The following CAVIN1 variants were observed in gnomAD, a reference collection of about 807,000 sequenced individuals.
The protein encoded by CAVIN1 is caveolae associated protein 1, also known as caveolae-associated protein 1.
A neutral mutation model predicts 24.0 loss-of-function variants in CAVIN1; 16 were observed. That is an observed-to-expected ratio of 0.67 (90% confidence interval 0.45 to 1.01). CAVIN1 has a LOEUF of 1.01. Among genes scored for constraint, CAVIN1 ranks in the 50% least tolerant of loss-of-function variants. The pLI is 0.00. For missense variants in CAVIN1, 510 were observed against 551.7 expected (o/e 0.92, Z 0.76); for synonymous variants, 256 against 256.4 (o/e 1.00, Z 0.02).
At chr17:42,412,750 TG>T (rs1169164419) in intron 1 of CAVIN1, among the ~76,000 whole-genome samples, 4 of 151,830 alleles carry the variant, frequency 2.6e-5, no homozygotes, top group Non-Finnish European at 5.9e-5. Context: ...CCCGAATAGC[TG>T]GGATTACAGG....
chr17:42,417,163 T>A (rs915465106), intron 1 of CAVIN1, among the ~76,000 whole-genome samples: 1 of 152,076 alleles, frequency 6.6e-6, no homozygotes, highest in Non-Finnish European at 1.5e-5. Flanking sequence ...CCCATAAGAT[T>A]GTAATGGAGG....
intron 1 of CAVIN1, among the ~76,000 whole-genome samples, chr17:42,420,405 C>T (rs895581150): frequency 2.4e-4 from 36 of 152,232 alleles, no homozygotes; most frequent in African/African-American, 8.2e-4. Context: ...AACATCTGCT[C>T]TGCAGCTCAG....
chr17:42,404,750 G>T lies in CAVIN1; in HGVS notation c.1110C>A (p.His370Gln). The T allele has an allele frequency of 6.5e-7, 1 of 1,529,556 alleles. No homozygotes were observed. The highest frequency in any genetic ancestry group is 2.3e-5 in the East Asian group (1 of 42,644). The allele number at this position is 1,529,556 out of a possible 1,614,324, so 94.7% of individuals were successfully genotyped here. Residue 370 changes from histidine (H) to glutamine (Q), a missense_variant, in exon 2 of 2, where the codon CAC becomes CAA. Physicochemically the swap from His to Gln is conservative, Grantham distance 24. Transcript: ENST00000357037. ...DLRRGSSPDV[H>Q]ALLEITEESD... ...ACTCCTCGGTGATCTCCAGCAGCGC[G>T]TGCACGTCGGGGCTGCTCCCGCGCC...
chr17:42,416,141 G>T (rs533534717), intron 1 of CAVIN1, among the ~76,000 whole-genome samples: 53 of 152,158 alleles, frequency 3.5e-4, no homozygotes, highest in Middle Eastern at 6.8e-3. Context: ...GCTGAGGCAG[G>T]TGGATCACCT....
At chr17:42,412,088 G>T (rs1227728774) in intron 1 of CAVIN1, 1 of 985,350 alleles carries the variant, frequency 1.0e-6, no homozygotes, top group Non-Finnish European at 1.2e-6. Flanking sequence ...GTGGGCCGGG[G>T]CCCAGGCTCT....
At position 42,422,705 on chromosome 17, in the gene CAVIN1, C is replaced by G. The variant is rs1167961779; in HGVS notation, c.393G>C (p.Gln131His). 1.9e-6 allele frequency: 3 copies of G among 1,608,820 alleles called. No individual in the cohort carries two copies. Among genetic ancestry groups the G allele is most frequent in the Non-Finnish European group, 2.5e-6 (3 of 1,177,952 alleles). The change falls in exon 1 of 2, where the codon CAG becomes CAC. Residue 131 changes from glutamine to histidine, a missense_variant. Gln to His is a conservative substitution (Grantham distance 24, BLOSUM62 0). Coordinates refer to ENST00000357037, the MANE Select transcript of CAVIN1 (RefSeq NM_012232.6). The stretch of plus-strand genomic sequence containing the variant: ...CCTCCAGCTTCTTGATCTGCCCCGC[C>G]TGGCGCTCCAGGCTGCCGCGCACGG... ...VKTVRGSLER[Q>H]AGQIKKLEVN...
chr17:42,422,911 C>A lies in CAVIN1; in HGVS notation c.187G>T (p.Gly63Trp), dbSNP rs376892295. 23 of 1,613,958 alleles carry A rather than the reference C, an allele frequency of 1.4e-5. No homozygotes were observed. The highest frequency in any genetic ancestry group is 6.7e-5 in the African/African-American group (5 of 74,922). The change falls in exon 1 of 2, where the codon GGG becomes TGG. Residue 63 changes from glycine to tryptophan, a missense_variant. By Grantham distance (184) the Gly-to-Trp change is radical (BLOSUM62 -2). Transcript: ENST00000357037. Reference sequence around the variant, plus strand: ...GTCAGCTGGATCTGGTCTACGGCCCCGATGATTTTGTCCAGGAGGCTCAGC... The same window carrying A: ...GTCAGCTGGATCTGGTCTACGGCCCAGATGATTTTGTCCAGGAGGCTCAGC... ...LVLSLLDKIIGAVDQIQLTQA... is the reference protein window; with the variant it reads ...LVLSLLDKIIWAVDQIQLTQA...
At chr17:42,410,393 G>A (rs966463086) in intron 1 of CAVIN1, among the ~76,000 whole-genome samples, 1 of 152,120 alleles carries the variant, frequency 6.6e-6, no homozygotes, top group African/African-American at 2.4e-5. Flanking sequence ...AAGACAAGGA[G>A]ATGAGAGACC....
chr17:42,419,251 C>G (rs1181579735), intron 1 of CAVIN1, among the ~76,000 whole-genome samples: 5 of 152,042 alleles, frequency 3.3e-5, no homozygotes, highest in Non-Finnish European at 7.4e-5. Context: ...AGAATTGGTT[C>G]TTTAATGATC....
At chr17:42,407,099 T>C (rs2085450772) in intron 1 of CAVIN1, among the ~76,000 whole-genome samples, 1 of 150,284 alleles carries the variant, frequency 6.7e-6, no homozygotes, top group African/African-American at 2.4e-5. Context: ...CCGGGAAGAT[T>C]TTCCAAGATC....
chr17:42,413,581 A>G, intron 1 of CAVIN1, among the ~76,000 whole-genome samples: 2 of 72,190 alleles, frequency 2.8e-5, no homozygotes, highest in African/African-American at 6.1e-5. Flanking sequence ...AAAAAAAAAA[A>G]AAAAAAAAAA....
At chr17:42,412,658 C>T (rs1229240088) in intron 1 of CAVIN1, among the ~76,000 whole-genome samples, 2 of 151,078 alleles carry the variant, frequency 1.3e-5, no homozygotes, top group African/African-American at 4.9e-5. Flanking sequence ...CACTCTGTTG[C>T]CCAGGCTGGA....
Position 42,404,894 on chromosome 17 carries a change from G to A in CAVIN1, c.966C>T (p.Thr322=). The A allele has an allele frequency of 6.2e-7, 1 of 1,614,060 alleles. No individual in the cohort carries two copies. The highest frequency in any genetic ancestry group is 1.1e-5 in the South Asian group (1 of 91,086). The change falls in exon 2 of 2, where the codon ACC becomes ACT. Residue 322 remains threonine (T), a synonymous_variant. Transcript: ENST00000357037. ...KTAVYKVPPF[T]FHVKKIREGQ... ...CCTCGCGGATCTTCTTGACGTGGAA[G>A]GTGAAGGGTGGCACCTTGTAGACCG... is the stretch of plus-strand genomic sequence containing the variant.
At chr17:42,413,343 A>G (rs1191675993) in intron 1 of CAVIN1, among the ~76,000 whole-genome samples, 1 of 151,302 alleles carries the variant, frequency 6.6e-6, no homozygotes, top group Non-Finnish European at 1.5e-5. Flanking sequence ...AGGTGGGTGG[A>G]TCCCTTGAGC....
intron 1 of CAVIN1, among the ~76,000 whole-genome samples, chr17:42,406,058 C>A (rs1194333633): frequency 6.6e-6 from 1 of 152,130 alleles, no homozygotes; most frequent in Admixed American, 6.6e-5. Context: ...GAGCAGGGGA[C>A]CAAACTTCGG....
intron 1 of CAVIN1, chr17:42,412,237 G>A (rs923212389): frequency 1.8e-5 from 18 of 984,988 alleles, no homozygotes; most frequent in African/African-American, 1.6e-4. Context: ...GGGTGCATTC[G>A]GCTTCTTCTT....
chr17:42,405,507 A>G, intron 1 of CAVIN1, 119 bp from the exon 2 acceptor site: 4 of 1,051,008 alleles, frequency 3.8e-6, no homozygotes, highest in South Asian at 1.3e-5. Context: ...GGTCCCCAGG[A>G]AACTGGCGGG....
intron 1 of CAVIN1, among the ~76,000 whole-genome samples, chr17:42,417,930 G>T (rs1373004988): frequency 6.6e-6 from 1 of 152,134 alleles, no homozygotes; most frequent in Admixed American, 6.6e-5. Context: ...AAAGTGCTGG[G>T]ATTACAGGTG....
At position 42,404,502 on chromosome 17, in the gene CAVIN1, C is replaced by A. The variant is rs2085429773; in HGVS notation, c.*185G>T. Reference sequence around the variant, plus strand: ...GGACTGTGTCCAAGCGGGGGTTGTCCACTGCGGGGGCTGCCTCCCCATCGG... The same window carrying A: ...GGACTGTGTCCAAGCGGGGGTTGTCAACTGCGGGGGCTGCCTCCCCATCGG... On this transcript the variant is annotated 3_prime_UTR_variant, in exon 2 of 2. Transcript: ENST00000357037. 2.1e-6 allele frequency: 1 copy of A among 473,810 alleles called. No individual in the cohort carries two copies. The highest frequency in any genetic ancestry group is 3.7e-6 in the Non-Finnish European group (1 of 269,722). The allele number at this position is 473,810 out of a possible 1,614,324, so 29.4% of individuals were successfully genotyped here. A position where few individuals can be genotyped will look rare whatever the true frequency, so the allele number is the denominator to read the frequency against.
Sources: gnomAD v4.1 joint callset for allele counts (sites outside exome capture counted in the v4.1 genomes callset) on GRCh38, gnomAD v4.1.1 for gene constraint, MANE v1.5 for transcripts, NCBI Gene and HGNC (gene_info 2026-07-23, HGNC 2026-07-21) for gene names.